OGDH: variants seen among roughly 807,000 people sequenced by gnomAD.
The protein encoded by OGDH is 2-oxoglutarate dehydrogenase complex component E1.
Under a neutral mutation model 116.6 loss-of-function variants are expected in OGDH, and 38 were observed. The observed-to-expected ratio is 0.33, with a 90% CI of 0.25 to 0.43. The LOEUF (loss-of-function observed/expected upper bound fraction) is 0.43, where lower values mean the gene tolerates loss of function less well. Ranked by LOEUF, OGDH falls within the 20% of genes least tolerant of loss-of-function variation. The probability of loss-of-function intolerance (pLI) is 1.00; values close to 1 mark genes in which losing one functional copy is unlikely to be tolerated. For missense variants in OGDH, 825 were observed against 1,357.2 expected, an observed-to-expected ratio of 0.61 and a Z score of 6.16; for synonymous variants, 488 against 533.3, an observed-to-expected ratio of 0.92 and a Z score of 1.17.
chr7:44,682,627 C>A (rs973526135), intron 10 of OGDH, among the ~76,000 whole-genome samples: 1 of 151,382 alleles, frequency 6.6e-6, no homozygotes, highest in Non-Finnish European at 1.5e-5. Context: ...ACCCTTGAGG[C>A]GGAGGTTACC....
Position 44,693,883 on chromosome 7 carries a change from C to T in OGDH, c.1394C>T (p.Ala465Val). ...ARSSPYPTDV[A>V]RVVNAPIFHV... ...TCCTCCCCCTACCCCACTGACGTGG[C>T]CCGAGTGGTGAATGCCCCCATTTTC... is the stretch of plus-strand genomic sequence containing the variant. Residue 465 changes from alanine (A) to valine (V), a missense_variant, in exon 11 of 23, where the codon GCC becomes GTC. By Grantham distance (64) the Ala-to-Val change is moderately conservative. Coordinates refer to ENST00000222673, the MANE Select transcript of OGDH (RefSeq NM_002541.4). The T allele has an allele frequency of 6.2e-7, 1 of 1,614,016 alleles. No individual in the cohort carries two copies. Among genetic ancestry groups the T allele is most frequent in the Non-Finnish European group, 8.5e-7 (1 of 1,179,926 alleles).
chr7:44,608,557 G>A (rs1418646096), intron 1 of OGDH, among the ~76,000 whole-genome samples: 1 of 151,946 alleles, frequency 6.6e-6, no homozygotes, highest in Non-Finnish European at 1.5e-5. Flanking sequence ...AAGTTAGCAG[G>A]GCATGGTGGC....
chr7:44,706,347 G>A (rs373303411), intron 20 of OGDH, among the ~76,000 whole-genome samples: 141 of 149,168 alleles, frequency 9.5e-4, no homozygotes, highest in African/African-American at 3.3e-3. Context: ...TTGAGATGGA[G>A]TTTTGCTCTT....
chr7:44,610,147 A>T (rs1259404811), intron 1 of OGDH, among the ~76,000 whole-genome samples: 3 of 152,056 alleles, frequency 2.0e-5, no homozygotes, highest in Non-Finnish European at 4.4e-5. Flanking sequence ...GTCTGTTCAT[A>T]TCTTTTGTTC....
At chr7:44,610,154 G>T (rs1427762800) in intron 1 of OGDH, among the ~76,000 whole-genome samples, 2 of 151,958 alleles carry the variant, frequency 1.3e-5, no homozygotes, top group Non-Finnish European at 2.9e-5. Flanking sequence ...CATATCTTTT[G>T]TTCATTTCGT....
intron 4 of OGDH, among the ~76,000 whole-genome samples, chr7:44,658,276 A>G (rs1484660940): frequency 6.6e-6 from 1 of 151,998 alleles, no homozygotes; most frequent in Non-Finnish European, 1.5e-5. Flanking sequence ...GATTTTTTTA[A>G]TCAGCTTTTT....
intron 1 of OGDH, among the ~76,000 whole-genome samples, chr7:44,610,450 C>T (rs976408759): frequency 4.6e-5 from 7 of 151,816 alleles, no homozygotes; most frequent in Admixed American, 3.9e-4. Flanking sequence ...ATTACAGGCG[C>T]TTGCCACCAC....
At chr7:44,696,233 C>A in intron 13 of OGDH, 106 bp downstream of exon 13, 1 of 1,043,138 alleles carries the variant, frequency 9.6e-7, no homozygotes, top group South Asian at 1.4e-5. Context: ...ACCCACAATG[C>A]ACAGTTGTAT....
At chr7:44,667,418 C>T (rs1186988493) in intron 5 of OGDH, among the ~76,000 whole-genome samples, 1 of 152,192 alleles carries the variant, frequency 6.6e-6, no homozygotes, top group Non-Finnish European at 1.5e-5. Flanking sequence ...GAGGGACAGG[C>T]CTCAAGTCAG....
chr7:44,675,041 A>G, intron 7 of OGDH, 137 bp from the exon 8 acceptor site: 2 of 677,586 alleles, frequency 3.0e-6, no homozygotes, highest in East Asian at 5.5e-5. Context: ...GCTCCAGTTT[A>G]CAGCTATCCT....
chr7:44,659,742 A>G (rs1786853987), intron 4 of OGDH, among the ~76,000 whole-genome samples: 1 of 152,226 alleles, frequency 6.6e-6, no homozygotes, highest in Admixed American at 6.5e-5. Context: ...AAGAAAAGGA[A>G]CAGAATCTTC....
Position 44,674,723 on chromosome 7 carries a change from C to A in OGDH, c.935+166C>A. On this transcript the variant is annotated intron_variant, in intron 7 of 22. Transcript: ENST00000222673. ...TGTATTGCTTTGCAGGGGATTCTCACATTGCCTGCCTCTGGAGGACTGCAA... is the reference window on the plus strand; with the variant it reads ...TGTATTGCTTTGCAGGGGATTCTCAAATTGCCTGCCTCTGGAGGACTGCAA... The A allele has an allele frequency of 5.6e-6, 4 of 713,824 alleles. No individual in the cohort carries two copies. The South Asian group carries it at 7.5e-5, about 13-fold the overall frequency. The allele number at this position is 713,824 out of a possible 1,614,324, so 44.2% of individuals were successfully genotyped here. A position where few individuals can be genotyped will look rare whatever the true frequency, so the allele number is the denominator to read the frequency against.
Position 44,660,365 on chromosome 7 carries a change from C to G in OGDH, c.518-6371C>G, listed in dbSNP as rs143896030. 5.8e-3 allele frequency among the ~76,000 whole-genome samples: 876 copies of G among 152,050 alleles called. 10 individuals carry two copies. Among genetic ancestry groups the G allele is most frequent in the African/African-American group, 0.019 (799 of 41,462 alleles). On this transcript the variant is annotated intron_variant, in intron 4 of 22. Coordinates refer to ENST00000222673, the MANE Select transcript of OGDH (RefSeq NM_002541.4). ...GTCATTATTGTATTCTTTGTATACC[C>G]CTTGATATTTTGTCTTTGGCCTTTG...
At chr7:44,688,502 C>T (rs1360004374) in intron 10 of OGDH, among the ~76,000 whole-genome samples, 1 of 136,622 alleles carries the variant, frequency 7.3e-6, no homozygotes, top group African/African-American at 2.8e-5. Flanking sequence ...GTGATCTCGG[C>T]TCATTGCAAG....
intron 4 of OGDH, among the ~76,000 whole-genome samples, chr7:44,656,052 T>C (rs1436296215): frequency 6.6e-6 from 1 of 152,196 alleles, no homozygotes; most frequent in African/African-American, 2.4e-5. Context: ...TGGCTTTCCA[T>C]CGTCAGGGTG....
intron 5 of OGDH, among the ~76,000 whole-genome samples, chr7:44,673,471 A>G (rs2116143178): frequency 6.6e-6 from 1 of 152,306 alleles, no homozygotes; most frequent in East Asian, 1.9e-4. Context: ...CAGTTCCACA[A>G]CTGTTGCGGT....
intron 4 of OGDH, among the ~76,000 whole-genome samples, chr7:44,661,279 A>G (rs12670164): frequency 0.063 from 9,553 of 152,170 alleles, 369 homozygotes; most frequent in Middle Eastern, 0.095. Context: ...TCCTACTTAC[A>G]TTTGATTAAT....
At chr7:44,668,172 C>G (rs2116067266) in intron 5 of OGDH, among the ~76,000 whole-genome samples, 1 of 152,190 alleles carries the variant, frequency 6.6e-6, no homozygotes, top group East Asian at 1.9e-4. Flanking sequence ...GGCACAGTGT[C>G]TCACGCCTAT....
intron 5 of OGDH, among the ~76,000 whole-genome samples, chr7:44,673,054 G>A (rs1274107604): frequency 6.6e-6 from 1 of 152,094 alleles, no homozygotes; most frequent in Non-Finnish European, 1.5e-5. Flanking sequence ...TCACCCAGCT[G>A]TGCAGTGTGA....
Sources: allele counts gnomAD v4.1 joint callset (sites outside exome capture counted in the v4.1 genomes callset), GRCh38; gene constraint gnomAD v4.1.1; transcripts MANE v1.5; gene names NCBI Gene and HGNC (gene_info 2026-07-23, HGNC 2026-07-21).